CDH12: variants seen among roughly 807,000 people sequenced by gnomAD.
CDH12 encodes cadherin-12.
A neutral mutation model predicts 74.1 loss-of-function variants in CDH12; 41 were observed. The ratio of observed to expected loss-of-function variants is 0.55; its 90% confidence interval spans 0.43 to 0.72. CDH12 has a LOEUF of 0.72. Ranked by LOEUF, CDH12 falls within the 30% of genes least tolerant of loss-of-function variation. The pLI, the probability that CDH12 is intolerant of heterozygous loss-of-function variation, is 0.00. For synonymous variants in CDH12, 399 were observed against 355.0 expected (o/e 1.12, Z -1.39); for missense variants, 945 against 977.2 (o/e 0.97, Z 0.44).
At chr5:22,823,105 C>G (rs943255646) in intron 1 of CDH12, among the ~76,000 whole-genome samples, 1 of 151,760 alleles carries the variant, frequency 6.6e-6, no homozygotes, top group African/African-American at 2.4e-5. Context: ...AAATTGGAAA[C>G]CATCATTCTC....
intron 8 of CDH12, among the ~76,000 whole-genome samples, chr5:21,833,801 C>A (rs1423347670): frequency 6.6e-6 from 1 of 151,774 alleles, no homozygotes. Flanking sequence ...TGAAACAGAA[C>A]TTCCCTCACT....
At chr5:22,117,478 T>TATAA (rs1554012020) in intron 4 of CDH12, among the ~76,000 whole-genome samples, 241 of 68,102 alleles carry the variant, frequency 3.5e-3, no homozygotes, top group African/African-American at 0.015. Context: ...AATATATATA[T>TATAA]TATATATATA....
chr5:22,212,496 A>G lies in CDH12; in HGVS notation c.-187+2T>C, dbSNP rs1228523664. 6.4e-5 allele frequency: 62 copies of G among 969,024 alleles called. No homozygotes were observed. The highest frequency in any genetic ancestry group is 7.6e-5 in the Non-Finnish European group (62 of 814,770). 60.0% of individuals were successfully genotyped at this position (969,024 alleles called of 1,614,324 possible). A position where few individuals can be genotyped will look rare whatever the true frequency, so the allele number is the denominator to read the frequency against. ...CAGTCACCCGGATAAAGCAGCACTT[A>G]CCTTAATTGAAATTTTCTCTGTGAA... On this transcript the variant is annotated splice_donor_variant, in intron 4 of 14. Coordinates refer to ENST00000382254, the MANE Select transcript of CDH12 (RefSeq NM_004061.5). LOFTEE classifies it low-confidence loss of function (5UTR_SPLICE).
chr5:22,555,619 A>G (rs972996639), intron 1 of CDH12, among the ~76,000 whole-genome samples: 2 of 152,048 alleles, frequency 1.3e-5, no homozygotes, highest in Non-Finnish European at 2.9e-5. Context: ...ATTTATTTAA[A>G]ACACTTCAAA....
intron 3 of CDH12, among the ~76,000 whole-genome samples, chr5:22,306,529 ATTTAC>A (rs1738122239): frequency 6.6e-6 from 1 of 152,158 alleles, no homozygotes. Context: ...ACATCAAGAA[ATTTAC>A]TTTACTTTTC....
At chr5:22,040,316 C>G (rs564606204) in intron 5 of CDH12, among the ~76,000 whole-genome samples, 1 of 152,038 alleles carries the variant, frequency 6.6e-6, no homozygotes, top group East Asian at 1.9e-4. Context: ...TTATGGGATA[C>G]CATTAAATGC....
chr5:22,098,270 A>G (rs1743918201), intron 4 of CDH12, among the ~76,000 whole-genome samples: 1 of 152,098 alleles, frequency 6.6e-6, no homozygotes, highest in African/African-American at 2.4e-5. Context: ...TACCTATCTC[A>G]GCATAATTCT....
intron 11 of CDH12, among the ~76,000 whole-genome samples, chr5:21,770,766 T>C (rs1352947964): frequency 1.3e-5 from 2 of 152,172 alleles, no homozygotes; most frequent in South Asian, 2.1e-4. Context: ...CACATGTATG[T>C]TCATTGCAGC....
intron 1 of CDH12, among the ~76,000 whole-genome samples, chr5:22,582,153 C>G (rs373103755): frequency 6.6e-6 from 1 of 152,294 alleles, no homozygotes; most frequent in African/African-American, 2.4e-5. Context: ...CCAAAGAATA[C>G]TTATGCCCTC....
At chr5:21,867,858 A>C (rs1751412449) in intron 6 of CDH12, among the ~76,000 whole-genome samples, 1 of 152,056 alleles carries the variant, frequency 6.6e-6, no homozygotes, top group Admixed American at 6.6e-5. Flanking sequence ...TTAAGGGGTG[A>C]AATGATATGG....
intron 1 of CDH12, among the ~76,000 whole-genome samples, chr5:22,631,140 C>T (rs752817516): frequency 4.6e-5 from 7 of 152,024 alleles, no homozygotes; most frequent in African/African-American, 9.7e-5. Context: ...AAATAACAGA[C>T]GCTATTGAGG....
intron 1 of CDH12, among the ~76,000 whole-genome samples, chr5:22,681,329 C>T (rs973977367): frequency 6.6e-6 from 1 of 150,528 alleles, no homozygotes; most frequent in Non-Finnish European, 1.5e-5. Context: ...TGAATATGGG[C>T]ATGAGAGGGT....
At chr5:22,438,661 T>C (rs1402940432) in intron 2 of CDH12, among the ~76,000 whole-genome samples, 1 of 152,020 alleles carries the variant, frequency 6.6e-6, no homozygotes, top group Non-Finnish European at 1.5e-5. Context: ...GTGGCTACTG[T>C]ACTGGACAAT....
chr5:22,228,712 AT>A (rs1361016402), intron 3 of CDH12, among the ~76,000 whole-genome samples: 5 of 152,116 alleles, frequency 3.3e-5, no homozygotes, highest in Non-Finnish European at 7.4e-5. Context: ...ATTAGCCTGA[AT>A]GTGCCCTGGA....
At chr5:22,759,869 A>G (rs1746117339) in intron 1 of CDH12, among the ~76,000 whole-genome samples, 1 of 152,160 alleles carries the variant, frequency 6.6e-6, no homozygotes, top group Non-Finnish European at 1.5e-5. Flanking sequence ...CTCAGAGAAG[A>G]ACTGATGTTG....
intron 1 of CDH12, among the ~76,000 whole-genome samples, chr5:22,710,677 T>C (rs1342452341): frequency 6.6e-6 from 1 of 152,172 alleles, no homozygotes; most frequent in Non-Finnish European, 1.5e-5. Flanking sequence ...AGTCAATTTC[T>C]TGCAGTCTCC....
chr5:21,996,250 C>A (rs3111153), intron 5 of CDH12, among the ~76,000 whole-genome samples: 1 of 151,802 alleles, frequency 6.6e-6, no homozygotes, highest in African/African-American at 2.4e-5. Context: ...GATCGGCCCT[C>A]GCCATGCCAG....
chr5:21,990,335 A>G (rs1015631234), intron 5 of CDH12, among the ~76,000 whole-genome samples: 1 of 152,046 alleles, frequency 6.6e-6, no homozygotes, highest in African/African-American at 2.4e-5. Context: ...ACATAAAAAG[A>G]GTTAAAATCC....
At position 22,722,185 on chromosome 5, in the gene CDH12, T is replaced by C. The variant is rs546022320; in HGVS notation, c.-523+130873A>G. On this transcript the variant is annotated intron_variant, in intron 1 of 14. Transcript: ENST00000382254. ...GTTTCCCTACTGTTTGTTGAGTTTC[T>C]AGAAAACACTAACATCTCTTATGCA... 3.5e-4 allele frequency among the ~76,000 whole-genome samples: 53 copies of C among 152,356 alleles called. 1 individual carries two copies. The highest frequency in any genetic ancestry group is 1.2e-3 in the African/African-American group (50 of 41,592).
Sources: allele counts gnomAD v4.1 joint callset (sites outside exome capture counted in the v4.1 genomes callset), GRCh38; gene constraint gnomAD v4.1.1; transcripts MANE v1.5; gene names NCBI Gene and HGNC (gene_info 2026-07-23, HGNC 2026-07-21).